Variants in SNX29 observed in about 807,000 individuals in gnomAD.
SNX29 encodes the protein sorting nexin-29.
Under a neutral mutation model 102.1 loss-of-function variants are expected in SNX29, and 78 were observed. That is an observed-to-expected ratio of 0.76 (90% CI 0.64 to 0.92). The LOEUF (loss-of-function observed/expected upper bound fraction) is 0.92. SNX29 is among the 40% of genes least tolerant of loss of function. The pLI, the probability that SNX29 is intolerant of heterozygous loss-of-function variation, is 0.00. For missense variants in SNX29, 1,280 were observed against 1,061.7 expected, an observed-to-expected ratio of 1.21 and a Z score of -2.86; for synonymous variants, 580 against 414.5, an observed-to-expected ratio of 1.40 and a Z score of -4.85.
At chr16:12,400,079 C>G (rs944314081) in intron 17 of SNX29, among the ~76,000 whole-genome samples, 2 of 152,168 alleles carry the variant, frequency 1.3e-5, no homozygotes, top group Non-Finnish European at 2.9e-5. Context: ...CTGATCCAGG[C>G]CACATTGTCT....
intron 14 of SNX29, among the ~76,000 whole-genome samples, chr16:12,226,072 T>C (rs2077603287): frequency 6.6e-6 from 1 of 152,250 alleles, no homozygotes; most frequent in Non-Finnish European, 1.5e-5. Context: ...TGTTCCACTC[T>C]TTCCTAATAA....
chr16:12,458,775 C>T (rs1028329472), intron 18 of SNX29, among the ~76,000 whole-genome samples: 2 of 152,150 alleles, frequency 1.3e-5, no homozygotes, highest in African/African-American at 2.4e-5. Context: ...CTGCACACGC[C>T]GCACACATGC....
intron 18 of SNX29, among the ~76,000 whole-genome samples, chr16:12,461,137 A>C (rs553814968): frequency 1.3e-5 from 2 of 152,340 alleles, no homozygotes; most frequent in Admixed American, 1.3e-4. Flanking sequence ...AGGTCATACA[A>C]CTAATGAGAA....
chr16:12,439,727 C>T, intron 18 of SNX29, among the ~76,000 whole-genome samples: 1 of 152,204 alleles, frequency 6.6e-6, no homozygotes, highest in East Asian at 1.9e-4. Context: ...CACAGCTAAA[C>T]CATACCAGTC....
At chr16:12,540,324 G>A (rs1421148174) in intron 20 of SNX29, among the ~76,000 whole-genome samples, 1 of 152,252 alleles carries the variant, frequency 6.6e-6, no homozygotes, top group East Asian at 1.9e-4. Context: ...TGGGACCACA[G>A]CTCTTATGAT....
intron 20 of SNX29, among the ~76,000 whole-genome samples, chr16:12,550,614 A>G (rs990426339): frequency 2.0e-5 from 3 of 151,944 alleles, no homozygotes; most frequent in African/African-American, 4.8e-5. Flanking sequence ...TGTGTAATGT[A>G]TACCTGTAGA....
At chr16:12,275,052 G>T (rs961419823) in intron 14 of SNX29, among the ~76,000 whole-genome samples, 1 of 152,050 alleles carries the variant, frequency 6.6e-6, no homozygotes, top group Non-Finnish European at 1.5e-5. Flanking sequence ...TTTCATCTTA[G>T]GTGCTTTTCT....
chr16:12,254,718 G>A (rs376919489), intron 14 of SNX29, among the ~76,000 whole-genome samples: 6 of 152,296 alleles, frequency 3.9e-5, no homozygotes, highest in African/African-American at 1.4e-4. Flanking sequence ...CCACGTGAGA[G>A]TGTGCTTGCA....
Position 12,564,437 on chromosome 16 carries a change from C to T in SNX29, c.2319-4069C>T, listed in dbSNP as rs560456654. Among the ~76,000 whole-genome samples, 4 of 152,306 alleles carry T rather than the reference C, an allele frequency of 2.6e-5. No individual in the cohort carries two copies. The South Asian group carries it at 8.3e-4, about 32-fold the overall frequency. ...GATTGGCACTATTATCCTCATTTCA[C>T]AGATCAGAAAGCTGTGTTTTGGGGA... On this transcript the variant is annotated intron_variant, in intron 20 of 20. Transcript: ENST00000566228.
At chr16:12,443,129 A>G (rs2151679769) in intron 18 of SNX29, 1 of 431,962 alleles carries the variant, frequency 2.3e-6, no homozygotes, top group Admixed American at 2.6e-5. Context: ...GCATCTGCCT[A>G]AATCCTGCCG....
At chr16:12,537,032 C>T (rs752948273) in intron 20 of SNX29, among the ~76,000 whole-genome samples, 4 of 152,162 alleles carry the variant, frequency 2.6e-5, no homozygotes, top group Non-Finnish European at 5.9e-5. Flanking sequence ...GGGGAGCACA[C>T]AGCAAGCACA....
At position 12,390,015 on chromosome 16, in the gene SNX29, A is replaced by G. The variant is rs2083468028; in HGVS notation, c.1900-8431A>G. Reference sequence around the variant, plus strand: ...ATTCATAACTTAAGAATAGTTCTATATTGGTAGCTTCAGCCTGGAGGAATT... The same window carrying G: ...ATTCATAACTTAAGAATAGTTCTATGTTGGTAGCTTCAGCCTGGAGGAATT... On this transcript the variant is annotated intron_variant, in intron 16 of 20. Transcript: ENST00000566228. Among the ~76,000 whole-genome samples, 6 of 152,154 alleles carry G rather than the reference A, an allele frequency of 3.9e-5. No homozygotes were observed. The South Asian group carries it at 1.2e-3, about 32-fold the overall frequency.
intron 13 of SNX29, among the ~76,000 whole-genome samples, chr16:12,172,404 C>A (rs554836428): frequency 3.3e-4 from 50 of 152,176 alleles, no homozygotes; most frequent in African/African-American, 1.1e-3. Flanking sequence ...ATCTCTGAGT[C>A]CCCCAGGGCC....
chr16:12,555,018 G>A lies in SNX29; in HGVS notation c.2319-13488G>A, dbSNP rs188907779. On this transcript the variant is annotated intron_variant, in intron 20 of 20. Transcript: ENST00000566228. ...TTCTTTCTTGCAGAGGCAGGCAGGA[G>A]TGTGCCTGCCTGGTGCCACCGAGCA... Among the ~76,000 whole-genome samples the A allele has an allele frequency of 2.4e-4, 37 of 152,132 alleles. 1 individual carries two copies. The highest frequency in any genetic ancestry group is 4.6e-4 in the Non-Finnish European group (31 of 67,996).
At chr16:12,060,000 A>T (rs2050703751) in intron 8 of SNX29, among the ~76,000 whole-genome samples, 2 of 152,102 alleles carry the variant, frequency 1.3e-5, no homozygotes, top group South Asian at 4.1e-4. Context: ...AGGTATGATT[A>T]TGATCTGCTT....
chr16:12,544,554 TAC>T (rs944128813), intron 20 of SNX29, among the ~76,000 whole-genome samples: 78 of 152,342 alleles, frequency 5.1e-4, no homozygotes, highest in African/African-American at 1.7e-3. Flanking sequence ...TCTGGAATGT[TAC>T]AGTGATGGAT....
At chr16:12,442,361 C>G (rs1425729408) in intron 18 of SNX29, among the ~76,000 whole-genome samples, 1 of 152,222 alleles carries the variant, frequency 6.6e-6, no homozygotes, top group African/African-American at 2.4e-5. Context: ...TGTCTATTCA[C>G]TCTCCTAACC....
In SNX29 at chr16:12,435,088, G is replaced by A. The variant is rs531709020; in HGVS notation, c.2037+31559G>A. 5.3e-5 allele frequency among the ~76,000 whole-genome samples: 8 copies of A among 152,232 alleles called. No individual in the cohort carries two copies. The South Asian group carries it at 8.3e-4, about 16-fold the overall frequency. ...TGTCCATCCCCAGGCCCAGGAGAGG[G>A]TTGGAGGGATCACATCACTTTGCCA... On this transcript the variant is annotated intron_variant, in intron 18 of 20. Transcript: ENST00000566228.
chr16:12,093,707 C>T (rs2052655265), intron 11 of SNX29: 1 of 152,128 alleles, frequency 6.6e-6, no homozygotes, highest in Non-Finnish European at 1.5e-5. Flanking sequence ...TGGTGGATTC[C>T]TGGGAGTTAT....
Sources: gnomAD v4.1 joint callset for allele counts (sites outside exome capture counted in the v4.1 genomes callset) on GRCh38, gnomAD v4.1.1 for gene constraint, MANE v1.5 for transcripts, NCBI Gene and HGNC (gene_info 2026-07-23, HGNC 2026-07-21) for gene names.